TTN: variants seen among roughly 807,000 people sequenced by gnomAD.
TTN encodes the protein titin.
In TTN, 1,525 loss-of-function variants were observed where a neutral mutation model predicts 3,223.0. The observed-to-expected ratio is 0.47, with a 90% CI of 0.45 to 0.49. The LOEUF is 0.49. Ranked by LOEUF, TTN falls within the 20% of genes least tolerant of loss-of-function variation. The probability of loss-of-function intolerance (pLI) is 0.00; values close to 1 mark genes in which losing one functional copy is unlikely to be tolerated. For synonymous variants in TTN, 14,094 were observed against 15,161.0 expected (o/e 0.93, Z 5.17); for missense variants, 40,786 against 43,424.0 (o/e 0.94, Z 5.40).
intron 47 of TTN, among the ~76,000 whole-genome samples, chr2:178,742,499 T>C (rs987122651): frequency 6.6e-6 from 1 of 152,188 alleles, no homozygotes. Context: ...CTTTCATCTA[T>C]GTAAATCACC....
chr2:178,802,004 C>T (rs1401896892), intron 3 of TTN, 134 bp downstream of exon 3: 22 of 1,075,112 alleles, frequency 2.0e-5, no homozygotes, highest in Admixed American at 9.8e-5. Flanking sequence ...ATAAATAATT[C>T]AGCCTCCAGT....
In TTN at chr2:178,713,647, G is replaced by A. The variant is rs372448166; in HGVS notation, c.26761+250C>T. 33 of 706,742 alleles carry A rather than the reference G, an allele frequency of 4.7e-5. No individual in the cohort carries two copies. The East Asian group carries it at 8.9e-4, about 19-fold the overall frequency. 43.8% of individuals were successfully genotyped at this position (706,742 alleles called of 1,614,324 possible). ...AATTATTTCAGCATAAATGAAGACT[G>A]CTTTAACCTTATCCAGGGACTATTT... is the stretch of plus-strand genomic sequence containing the variant. On this transcript the variant is annotated intron_variant, in intron 92 of 362. Transcript: ENST00000589042.
At chr2:178,613,469 A>G (rs1394452465) in intron 263 of TTN, among the ~76,000 whole-genome samples, 193 bp from the exon 264 acceptor site, 1 of 151,972 alleles carries the variant, frequency 6.6e-6, no homozygotes, top group East Asian at 1.9e-4. Flanking sequence ...CAAACATACC[A>G]ATCTAATTAT....
chr2:178,593,159 C>T lies in TTN; in HGVS notation c.59035+14G>A. The T allele has an allele frequency of 6.2e-7, 1 of 1,612,106 alleles. No individual in the cohort carries two copies. Among genetic ancestry groups the T allele is most frequent in the Non-Finnish European group, 8.5e-7 (1 of 1,179,322 alleles). ...AGATAACATGAAAACTGAATAAATC[C>T]ATTAATACTATACCAATTGGATCTT... is the stretch of plus-strand genomic sequence containing the variant. On this transcript the variant is annotated intron_variant, in intron 299 of 362. Coordinates refer to ENST00000589042, the MANE Select transcript of TTN (RefSeq NM_001267550.2).
chr2:178,789,516 T>A lies in TTN; in HGVS notation c.1939-19A>T. 6.2e-7 allele frequency: 1 copy of A among 1,612,816 alleles called. No homozygotes were observed. ...TTCTCATCTGATTATTACAGTAAAA[T>A]CAAGATTTAAGTTGAACAGGGCTTC... is the stretch of plus-strand genomic sequence containing the variant. On this transcript the variant is annotated intron_variant, in intron 12 of 362. Transcript: ENST00000589042.
chr2:178,593,465 A>C lies in TTN; in HGVS notation c.58743T>G (p.Asp19581Glu). ...CTGTAACAATTGGCTGATCAGGTGC[A>C]TCAGGAACCCCTGTAACAAATGTTG... ...MKAKDRFRVP[D>E]APDQPIVTEV... The change falls in exon 299 of 363, where the codon GAT (aspartate) becomes GAG (glutamate). Residue 19581 changes from aspartate to glutamate, a missense_variant. Physicochemically the swap from Asp to Glu is conservative, Grantham distance 45 (BLOSUM62 2). Coordinates refer to ENST00000589042, the MANE Select transcript of TTN (RefSeq NM_001267550.2). 2 of 1,609,556 alleles carry C rather than the reference A, an allele frequency of 1.2e-6. No individual in the cohort carries two copies. The highest frequency in any genetic ancestry group is 2.2e-5 in the East Asian group (1 of 44,640).
At position 178,544,442 on chromosome 2, in the gene TTN, T is replaced by C; in HGVS notation, c.95787A>G (p.Ala31929=). The C allele has an allele frequency of 1.9e-6, 3 of 1,613,702 alleles. No homozygotes were observed. Among genetic ancestry groups the C allele is most frequent in the African/African-American group, 1.3e-5 (1 of 75,030 alleles). The part of the protein sequence containing the change: ...VDTTKHSISL[A]WTKPMYDGGT... ...CACCATCGTACATGGGTTTGGTCCA[T>C]GCCAAACTAATGCTGTGTTTGGTGG... Residue 31929 remains alanine (A), a synonymous_variant, in exon 345 of 363, where the codon GCA becomes GCG. Transcript: ENST00000589042.
Position 178,723,902 on chromosome 2 carries a change from A to C in TTN, c.21357T>G (p.Ala7119=). The C allele has an allele frequency of 6.2e-7, 1 of 1,613,352 alleles. No individual in the cohort carries two copies. ...SDMGNYTCVA[A]NVAGSDECRA... is the part of the protein sequence containing the mutation. Reference sequence around the variant, plus strand: ...GACATTCATCAGACCCAGCGACATTAGCAGCCACGCATGTGTAATTGCCCA... The same window carrying C: ...GACATTCATCAGACCCAGCGACATTCGCAGCCACGCATGTGTAATTGCCCA... Residue 7119 remains alanine (A), a synonymous_variant, in exon 73 of 363, where the codon GCT becomes GCG. Transcript: ENST00000589042.
chr2:178,647,530 G>A, intron 213 of TTN, 66 bp from the exon 214 acceptor site: 1 of 1,462,732 alleles, frequency 6.8e-7, no homozygotes, highest in Middle Eastern at 1.7e-4. Context: ...CTAAAGAGCA[G>A]GCAAAGAATG....
At chr2:178,794,336 G>T (rs1320996231) in intron 8 of TTN, 63 bp downstream of exon 8, 43 of 1,607,484 alleles carry the variant, frequency 2.7e-5, no homozygotes, top group Non-Finnish European at 1.7e-6. Context: ...GTGGATGGTG[G>T]TTGAGTTAAT....
rs766588174 is a variant in TTN, at chr2:178,580,070, G to T, written c.67217C>A (p.Thr22406Asn). Residue 22406 changes from threonine (T) to asparagine (N), a missense_variant, in exon 318 of 363, where the codon ACT becomes AAT. Physicochemically the swap from Thr to Asn is moderately conservative, Grantham distance 65 (BLOSUM62 0). Coordinates refer to ENST00000589042, the MANE Select transcript of TTN (RefSeq NM_001267550.2). ...TCTGAAGCTTGTTTTGGAGCACTCAGTTGTCACTGTAGACCAGGATTTCCT... is the reference window on the plus strand; with the variant it reads ...TCTGAAGCTTGTTTTGGAGCACTCATTTGTCACTGTAGACCAGGATTTCCT... Reference protein sequence around the residue: ...AERKSWSTVTTECSKTSFRVA... With the variant: ...AERKSWSTVTNECSKTSFRVA... The T allele has an allele frequency of 6.2e-7, 1 of 1,613,302 alleles. No homozygotes were observed. The highest frequency in any genetic ancestry group is 1.1e-5 in the South Asian group (1 of 91,068).
Position 178,719,970 on chromosome 2 carries a change from C to A in TTN, c.23659+13G>T, listed in dbSNP as rs1304577054. ...TAAATTGATTTTTTCTCTGGCTGTG[C>A]TTTGCTACTAACCTAGTACAGTCAA... On this transcript the variant is annotated intron_variant, in intron 81 of 362. Transcript: ENST00000589042. The A allele has an allele frequency of 1.3e-6, 2 of 1,577,092 alleles. No homozygotes were observed. The highest frequency in any genetic ancestry group is 1.7e-6 in the Non-Finnish European group (2 of 1,160,900).
chr2:178,706,410 T>C (rs1433476755), intron 102 of TTN, 44 bp downstream of exon 102: 2 of 1,546,032 alleles, frequency 1.3e-6, no homozygotes, highest in African/African-American at 1.4e-5. Context: ...AACCCACTTA[T>C]ATGGAGGGCT....
chr2:178,613,945 C>G lies in TTN; in HGVS notation c.49346-8G>C. The stretch of plus-strand genomic sequence containing the variant: ...TTGGAGGACCAGGTGGATCTATAGA[C>G]AGGATAATGGTGTAAAATGTTATAT... On this transcript the variant is annotated splice_polypyrimidine_tract_variant and splice_region_variant and intron_variant, in intron 262 of 362. Coordinates refer to ENST00000589042, the MANE Select transcript of TTN (RefSeq NM_001267550.2). 1 of 1,607,392 alleles carries G rather than the reference C, an allele frequency of 6.2e-7. No homozygotes were observed. Among genetic ancestry groups the G allele is most frequent in the Admixed American group, 1.7e-5 (1 of 58,796 alleles).
intron 168 of TTN, 26 bp from the exon 169 acceptor site, chr2:178,664,124 C>T: frequency 1.3e-6 from 2 of 1,579,088 alleles, no homozygotes; most frequent in Non-Finnish European, 1.7e-6. Context: ...TATTTTTACA[C>T]TCAGAAAATA....
At position 178,597,963 on chromosome 2, in the gene TTN, A is replaced by G. The variant is rs1312323452; in HGVS notation, c.57207T>C (p.Ala19069=). 2.5e-6 allele frequency: 4 copies of G among 1,613,282 alleles called. No homozygotes were observed. In the African/African-American group the frequency reaches 4.0e-5, roughly 16 times the overall value. The change falls in exon 293 of 363, where the codon GCT becomes GCC. Residue 19069 remains alanine, a synonymous_variant. Coordinates refer to ENST00000589042, the MANE Select transcript of TTN (RefSeq NM_001267550.2). ...YKFRVRAVNI[A]GIGEPGEVTD... is the part of the protein sequence containing the mutation. Reference sequence around the variant, plus strand: ...TGACCTCTCCAGGTTCTCCAATGCCAGCAATGTTGACTGCTCTAACTCTAA... The same window carrying G: ...TGACCTCTCCAGGTTCTCCAATGCCGGCAATGTTGACTGCTCTAACTCTAA...
chr2:178,729,587 C>A, intron 63 of TTN, 21 bp from the exon 64 acceptor site: 1 of 1,612,378 alleles, frequency 6.2e-7, no homozygotes, highest in South Asian at 1.1e-5. Context: ...AAAAGGAAGA[C>A]AGTAGCTTAC....
rs727503560 is a variant in TTN, at chr2:178,571,028, C to T, written c.75104G>A (p.Gly25035Glu). 8.7e-6 allele frequency: 14 copies of T among 1,612,540 alleles called. No homozygotes were observed. Among genetic ancestry groups the T allele is most frequent in the Non-Finnish European group, 1.2e-5 (14 of 1,178,832 alleles). The change falls in exon 326 of 363, where the codon GGA becomes GAA. Residue 25035 changes from glycine to glutamate, a missense_variant. Gly to Glu is a moderately conservative substitution (Grantham distance 98). Coordinates refer to ENST00000589042, the MANE Select transcript of TTN (RefSeq NM_001267550.2). ...LQWKKPTYDGGSKITGYIVEK... is the reference protein window; with the variant it reads ...LQWKKPTYDGESKITGYIVEK... ...AACAATATAACCAGTGATCTTGCTT[C>T]CACCGTCATAGGTGGGTTTCTTCCA... is the stretch of plus-strand genomic sequence containing the variant.
In TTN at chr2:178,584,395, T is replaced by C. The variant is rs762352911; in HGVS notation, c.65156A>G (p.Tyr21719Cys). 2.5e-6 allele frequency: 4 copies of C among 1,613,380 alleles called. No individual in the cohort carries two copies. Among genetic ancestry groups the C allele is most frequent in the Non-Finnish European group, 3.4e-6 (4 of 1,179,518 alleles). Residue 21719 changes from tyrosine to cysteine, a missense_variant, in exon 311 of 363, where the codon TAT (tyrosine) becomes TGT (cysteine). By Grantham distance (194) the Tyr-to-Cys change is radical. Coordinates refer to ENST00000589042, the MANE Select transcript of TTN (RefSeq NM_001267550.2). ...ACCTTCTACAAGGCCAGCACAAGGA[T>C]ATTCAGTTGACCGGACAAGAGTATC... Reference protein sequence around the residue: ...ANDTLVRSTEYPCAGLVEGLE... With the variant: ...ANDTLVRSTECPCAGLVEGLE...
Sources: gnomAD v4.1 joint callset for allele counts (sites outside exome capture counted in the v4.1 genomes callset) on GRCh38, gnomAD v4.1.1 for gene constraint, MANE v1.5 for transcripts, NCBI Gene and HGNC (gene_info 2026-07-23, HGNC 2026-07-21) for gene names.